The following DLC1 variants were observed in gnomAD, a reference collection of about 807,000 sequenced individuals.
The protein encoded by DLC1 is DLC1 Rho GTPase activating protein.
Under a neutral mutation model 140.3 loss-of-function variants are expected in DLC1, and 54 were observed. The ratio of observed to expected loss-of-function variants is 0.38; its 90% CI spans 0.31 to 0.48. The LOEUF (loss-of-function observed/expected upper bound fraction) is 0.48, where lower values mean the gene tolerates loss of function less well. DLC1 is among the 20% of genes least tolerant of loss of function. DLC1 has a pLI of 0.96. For missense variants in DLC1, 2,536 were observed against 1,907.0 expected (o/e 1.33, Z -6.14); for synonymous variants, 986 against 728.1 (o/e 1.35, Z -5.70).
intron 2 of DLC1, among the ~76,000 whole-genome samples, chr8:13,452,480 A>G (rs1365293965): frequency 2.0e-5 from 3 of 152,184 alleles, no homozygotes; most frequent in Admixed American, 6.5e-5. Flanking sequence ...TGAGATTGCT[A>G]TAACTAAGAA....
intron 5 of DLC1, among the ~76,000 whole-genome samples, chr8:13,128,320 C>A (rs988533278): frequency 6.6e-6 from 1 of 152,090 alleles, no homozygotes; most frequent in Non-Finnish European, 1.5e-5. Context: ...AAAATGGTAT[C>A]CCAGAACACT....
rs71207134 is a variant in DLC1, at chr8:13,233,293, T to TAAAAAAAAAAA, written c.1348+71965_1348+71975dup. ...CTGGGCGATAGAATAAGACTCTGTA[T>TAAAAAAAAAAA]AAAAAAAAAAAAAAAAAAAAAAAAA... On this transcript the variant is annotated intron_variant, in intron 5 of 17. Coordinates refer to ENST00000276297, the MANE Select transcript of DLC1 (RefSeq NM_182643.3). Among the ~76,000 whole-genome samples, 20 of 70,404 alleles carry TAAAAAAAAAAA rather than the reference T, an allele frequency of 2.8e-4. 2 individuals are homozygous for TAAAAAAAAAAA. Among genetic ancestry groups the TAAAAAAAAAAA allele is most frequent in the African/African-American group, 1.0e-3 (18 of 17,322 alleles). The allele number at this position is 70,404 out of a possible 152,430, so 46.2% of individuals were successfully genotyped here. A position where few individuals can be genotyped will look rare whatever the true frequency, so the allele number is the denominator to read the frequency against.
At chr8:13,411,787 A>G (rs1837795341) in intron 2 of DLC1, among the ~76,000 whole-genome samples, 1 of 152,210 alleles carries the variant, frequency 6.6e-6, no homozygotes, top group South Asian at 2.1e-4. Context: ...CACAAAATAC[A>G]GAAAAATAAT....
chr8:13,247,021 T>C (rs757817284), intron 5 of DLC1, among the ~76,000 whole-genome samples: 2 of 152,168 alleles, frequency 1.3e-5, no homozygotes, highest in Admixed American at 1.3e-4. Context: ...GACTCCTCTG[T>C]TAACAAGAAT....
At chr8:13,594,791 T>C (rs957343094) in intron 1 of DLC1, among the ~76,000 whole-genome samples, 2 of 152,018 alleles carry the variant, frequency 1.3e-5, no homozygotes, top group Non-Finnish European at 2.9e-5. Context: ...TTGCAGAGGT[T>C]TTTTTTCAAG....
chr8:13,205,372 GC>G, intron 5 of DLC1, among the ~76,000 whole-genome samples: 1 of 152,306 alleles, frequency 6.6e-6, no homozygotes, highest in Non-Finnish European at 1.5e-5. Flanking sequence ...GTGGATTAAT[GC>G]TGATTCCTAC....
intron 5 of DLC1, among the ~76,000 whole-genome samples, chr8:13,185,814 C>G (rs1228298968): frequency 6.6e-6 from 1 of 152,126 alleles, no homozygotes; most frequent in Non-Finnish European, 1.5e-5. Context: ...TTAGTGCTTC[C>G]TTCAGGAGCT....
At chr8:13,272,004 G>C (rs1392826525) in intron 5 of DLC1, among the ~76,000 whole-genome samples, 1 of 152,178 alleles carries the variant, frequency 6.6e-6, no homozygotes, top group East Asian at 1.9e-4. Flanking sequence ...GGAATAATGT[G>C]ACGTCACATA....
chr8:13,345,411 T>C (rs909863306), intron 4 of DLC1, among the ~76,000 whole-genome samples: 2 of 151,984 alleles, frequency 1.3e-5, no homozygotes, highest in African/African-American at 4.8e-5. Context: ...AGATAAAGGT[T>C]ACCTGGGAGT....
At chr8:13,289,979 T>C (rs1831695353) in intron 5 of DLC1, among the ~76,000 whole-genome samples, 1 of 152,230 alleles carries the variant, frequency 6.6e-6, no homozygotes, top group African/African-American at 2.4e-5. Flanking sequence ...GTATTTTGCT[T>C]GTTCAATACA....
At chr8:13,392,193 A>G (rs145735539) in intron 4 of DLC1, among the ~76,000 whole-genome samples, 9 of 152,286 alleles carry the variant, frequency 5.9e-5, no homozygotes, top group African/African-American at 1.7e-4. Flanking sequence ...ATGCAGTATT[A>G]TCATAGCTTG....
chr8:13,254,644 C>G (rs1050349246), intron 5 of DLC1, among the ~76,000 whole-genome samples: 1 of 133,874 alleles, frequency 7.5e-6, no homozygotes, highest in African/African-American at 2.8e-5. Context: ...CCCCAGTTGT[C>G]AGATATTATT....
At chr8:13,418,341 G>C (rs567221070) in intron 2 of DLC1, among the ~76,000 whole-genome samples, 2 of 152,132 alleles carry the variant, frequency 1.3e-5, no homozygotes, top group African/African-American at 4.8e-5. Flanking sequence ...GGTTTTCATC[G>C]TTTTAGGTCT....
intron 1 of DLC1, among the ~76,000 whole-genome samples, chr8:13,547,608 G>T (rs911767440): frequency 4.6e-5 from 7 of 151,940 alleles, no homozygotes; most frequent in Non-Finnish European, 1.0e-4. Flanking sequence ...TGCCTCTGTC[G>T]GCAGCAGAGA....
chr8:13,494,583 C>T (rs1046979168), intron 2 of DLC1, among the ~76,000 whole-genome samples: 5 of 152,090 alleles, frequency 3.3e-5, no homozygotes, highest in African/African-American at 9.7e-5. Context: ...CTATTTTATG[C>T]GTGTGAGAGA....
chr8:13,363,336 T>C (rs893673725), intron 4 of DLC1, among the ~76,000 whole-genome samples: 5 of 150,560 alleles, frequency 3.3e-5, no homozygotes, highest in African/African-American at 1.2e-4. Context: ...ACTTAGTATA[T>C]GTCATTGAAT....
intron 1 of DLC1, among the ~76,000 whole-genome samples, chr8:13,555,065 A>G (rs1017720416): frequency 2.8e-4 from 42 of 152,268 alleles, no homozygotes; most frequent in African/African-American, 9.9e-4. Flanking sequence ...CTGTTCTCTT[A>G]GTCTGTAACA....
chr8:13,443,868 A>G (rs1268466512), intron 2 of DLC1, among the ~76,000 whole-genome samples: 2 of 152,036 alleles, frequency 1.3e-5, no homozygotes, highest in African/African-American at 2.4e-5. Flanking sequence ...CCTAAAACAA[A>G]CGTCACATGT....
chr8:13,109,152 C>G (rs1180010934), intron 7 of DLC1, among the ~76,000 whole-genome samples: 1 of 152,180 alleles, frequency 6.6e-6, no homozygotes, highest in Non-Finnish European at 1.5e-5. Flanking sequence ...CTTCATATAA[C>G]ACTGTATTAT....
Sources: allele counts gnomAD v4.1 joint callset (sites outside exome capture counted in the v4.1 genomes callset), GRCh38; gene constraint gnomAD v4.1.1; transcripts MANE v1.5; gene names NCBI Gene and HGNC (gene_info 2026-07-23, HGNC 2026-07-21).